The following MSLN variants were observed in gnomAD, a reference collection of about 807,000 sequenced individuals.
MSLN encodes the protein CAK1 antigen.
MSLN carries 82 observed loss-of-function variants against 72.6 expected under a neutral mutation model. The observed-to-expected ratio is 1.13, with a 90% CI of 0.94 to 1.36. MSLN has a LOEUF of 1.36. Among genes scored for constraint, MSLN ranks in the 40% most tolerant of loss-of-function variants. The pLI is 0.00. For missense variants in MSLN, 1,005 were observed against 847.9 expected, an observed-to-expected ratio of 1.19 and a Z score of -2.30; for synonymous variants, 456 against 387.3, an observed-to-expected ratio of 1.18 and a Z score of -2.08.
At chr16:765,487 C>A in intron 9 of MSLN, 40 bp from the exon 10 acceptor site, 1 of 1,560,490 alleles carries the variant, frequency 6.4e-7, no homozygotes, top group South Asian at 1.2e-5. Context: ...TCTGGGGCTG[C>A]ACGTGGGGGG....
In MSLN at chr16:766,088, C is replaced by T. The variant is rs760725450; in HGVS notation, c.925C>T (p.Arg309Cys). The T allele has an allele frequency of 1.1e-5, 18 of 1,612,002 alleles. No individual in the cohort carries two copies. The highest frequency in any genetic ancestry group is 2.2e-5 in the East Asian group (1 of 44,860). ...KTACPSGKKA[R>C]EIDESLIFYK... ...AGCCTGTCCTTCAGGCAAGAAGGCC[C>T]GCGAGATAGACGAGAGCCTCATCTT... The change falls in exon 12 of 18, where the codon CGC (arginine) becomes TGC (cysteine). Residue 309 changes from arginine (R) to cysteine (C), a missense_variant. By Grantham distance (180) the Arg-to-Cys change is radical. Coordinates refer to ENST00000545450, the MANE Select transcript of MSLN (RefSeq NM_005823.6).
At chr16:765,358 G>A (rs2041592607) in intron 9 of MSLN, 55 bp downstream of exon 9, 1 of 1,483,964 alleles carries the variant, frequency 6.7e-7, no homozygotes, top group Non-Finnish European at 9.0e-7. Flanking sequence ...GGTATCAGCA[G>A]CGTGAGGACA....
intron 15 of MSLN, among the ~76,000 whole-genome samples, 181 bp downstream of exon 15, chr16:767,193 G>A (rs555147499): frequency 1.8e-4 from 27 of 152,108 alleles, no homozygotes; most frequent in Admixed American, 5.2e-4. Flanking sequence ...ACCCCAGCTC[G>A]GGGCGCCAGC....
In MSLN at chr16:763,560, C is replaced by A. The variant is rs993623348; in HGVS notation, c.130-82C>A. ...GGAAGTAGCTGAACTCGGGGAGTAC[C>A]TGGCCCAGGGGTAGCGGGACCTGGG... On this transcript the variant is annotated intron_variant, in intron 4 of 17. Coordinates refer to ENST00000545450, the MANE Select transcript of MSLN (RefSeq NM_005823.6). 11 of 1,386,360 alleles carry A rather than the reference C, an allele frequency of 7.9e-6. No individual in the cohort carries two copies. In the African/African-American group the frequency reaches 1.1e-4, roughly 14 times the overall value. The allele number at this position is 1,386,360 out of a possible 1,614,324, so 85.9% of individuals were successfully genotyped here.
rs367955507 is a variant in MSLN, at chr16:765,122, T to C, written c.523T>C (p.Ser175Pro). 8.1e-6 allele frequency: 13 copies of C among 1,603,972 alleles called. No homozygotes were observed. Among genetic ancestry groups the C allele is most frequent in the Non-Finnish European group, 1.0e-5 (12 of 1,177,844 alleles). The change falls in exon 9 of 18, where the codon TCT (serine) becomes CCT (proline). Residue 175 changes from serine (S) to proline (P), a missense_variant. Physicochemically the swap from Ser to Pro is moderately conservative, Grantham distance 74. Coordinates refer to ENST00000545450, the MANE Select transcript of MSLN (RefSeq NM_005823.6). ...AALACWGVRG[S>P]LLSEADVRAL... ...AGCCTCTCTGCAGGGTGTGCGGGGG[T>C]CTCTGCTGAGCGAGGCTGATGTGCG...
At chr16:765,396 T>A in intron 9 of MSLN, 93 bp downstream of exon 9, 1 of 1,423,478 alleles carries the variant, frequency 7.0e-7, no homozygotes, top group Non-Finnish European at 9.3e-7. Context: ...AGGCCCAGGG[T>A]CAGTCACCCC....
intron 15 of MSLN, 130 bp downstream of exon 15, chr16:767,142 GC>G (rs1320051556): frequency 5.5e-6 from 8 of 1,443,204 alleles, no homozygotes; most frequent in Admixed American, 1.8e-5. Context: ...CCCGCCCTCT[GC>G]CCCCCGGGGT....
intron 2 of MSLN, 78 bp downstream of exon 2, chr16:761,252 C>T (rs915826174): frequency 3.3e-5 from 5 of 152,298 alleles, no homozygotes; most frequent in African/African-American, 7.2e-5. Context: ...CTGGGGCCGC[C>T]CCAGGCCGGG....
chr16:767,263 T>A, intron 15 of MSLN, 113 bp from the exon 16 acceptor site: 1 of 1,160,014 alleles, frequency 8.6e-7, no homozygotes, highest in Non-Finnish European at 1.3e-6. Flanking sequence ...GGCCCTGGAA[T>A]CCCTAAGGAA....
At chr16:762,178 G>T (rs1028638556) in intron 2 of MSLN, among the ~76,000 whole-genome samples, 1 of 152,222 alleles carries the variant, frequency 6.6e-6, no homozygotes, top group Non-Finnish European at 1.5e-5. Flanking sequence ...CTCTGTGCCC[G>T]CAGTGCCCCT....
chr16:764,929 C>A lies in MSLN; in HGVS notation c.403C>A (p.Gln135Lys). The change falls in exon 8 of 18, where the codon CAG (glutamine) becomes AAG (lysine). Residue 135 changes from glutamine (Q) to lysine (K), a missense_variant. By Grantham distance (53) the Gln-to-Lys change is moderately conservative. Transcript: ENST00000545450. ...FLNPDAFSGP[Q>K]ACTRFFSRIT... is the part of the protein sequence containing the mutation. Reference sequence around the variant, plus strand: ...CAGCCCAGATGCGTTCTCGGGGCCCCAGGCCTGCACCCGTTTCTTCTCCCG... The same window carrying A: ...CAGCCCAGATGCGTTCTCGGGGCCCAAGGCCTGCACCCGTTTCTTCTCCCG... 1 of 1,612,124 alleles carries A rather than the reference C, an allele frequency of 6.2e-7. No individual in the cohort carries two copies. Among genetic ancestry groups the A allele is most frequent in the African/African-American group, 1.3e-5 (1 of 75,050 alleles).
rs1299814893 is a variant in MSLN at position 764,972 on chromosome 16, T to C, written c.446T>C (p.Val149Ala). The C allele has an allele frequency of 6.2e-7, 1 of 1,612,442 alleles. No individual in the cohort carries two copies. The highest frequency in any genetic ancestry group is 8.5e-7 in the Non-Finnish European group (1 of 1,179,758). The change falls in exon 8 of 18, where the codon GTG becomes GCG. Residue 149 changes from valine (V) to alanine (A), a missense_variant. By Grantham distance (64) the Val-to-Ala change is moderately conservative. Transcript: ENST00000545450. ...RFFSRITKAN[V>A]DLLPRGAPER... ...TTCTCCCGCATCACGAAGGCCAATG[T>C]GGACCTGCTCCCGAGGGGGGCTCCC...
intron 2 of MSLN, among the ~76,000 whole-genome samples, chr16:762,351 G>A (rs1014709171): frequency 6.6e-6 from 1 of 152,330 alleles, no homozygotes; most frequent in Non-Finnish European, 1.5e-5. Flanking sequence ...CCAAGTGGGC[G>A]GCGGCCCCGG....
At chr16:765,876 C>T in intron 11 of MSLN, 86 bp downstream of exon 11, 1 of 1,402,970 alleles carries the variant, frequency 7.1e-7, no homozygotes, top group South Asian at 1.2e-5. Flanking sequence ...ACCTGCCCCT[C>T]CCTGGCTCTG....
chr16:765,396 T>C (rs2041593127), intron 9 of MSLN, 93 bp downstream of exon 9: 1 of 1,423,478 alleles, frequency 7.0e-7, no homozygotes, highest in Non-Finnish European at 9.3e-7. Context: ...AGGCCCAGGG[T>C]CAGTCACCCC....
chr16:767,405 C>T lies in MSLN; in HGVS notation c.1531C>T (p.Leu511Phe). 1 of 1,603,380 alleles carries T rather than the reference C, an allele frequency of 6.2e-7. No individual in the cohort carries two copies. Among genetic ancestry groups the T allele is most frequent in the Non-Finnish European group, 8.5e-7 (1 of 1,174,790 alleles). Reference protein sequence around the residue: ...GGAPTEDLKALSQQNVSMDLA... With the variant: ...GGAPTEDLKAFSQQNVSMDLA... ...GGCCCCCACGGAGGATTTGAAGGCGCTCAGTCAGCAGAATGTGAGCATGGA... is the reference window on the plus strand; with the variant it reads ...GGCCCCCACGGAGGATTTGAAGGCGTTCAGTCAGCAGAATGTGAGCATGGA... Residue 511 changes from leucine (L) to phenylalanine (F), a missense_variant, in exon 16 of 18, where the codon CTC becomes TTC. Physicochemically the swap from Leu to Phe is conservative, Grantham distance 22 (BLOSUM62 0). Transcript: ENST00000545450.
Position 766,434 on chromosome 16 carries a change from CT to C in MSLN, c.1175del (p.Leu392ArgfsTer4), listed in dbSNP as rs766389177. 6.2e-7 allele frequency: 1 copy of C among 1,612,714 alleles called. No homozygotes were observed. Among genetic ancestry groups the C allele is most frequent in the Non-Finnish European group, 8.5e-7 (1 of 1,179,930 alleles). ...EDIRKWNVTS[L>X]ETLKALLEVN... The stretch of plus-strand genomic sequence containing the variant: ...CATTCGCAAGTGGAATGTGACGTCC[CT>C]GGAGACCCTGAAGGCTTTGCTTGAA... On this transcript the variant is annotated frameshift_variant, in exon 13 of 18. Transcript: ENST00000545450. LOFTEE classifies it high-confidence loss of function.
chr16:760,855 C>G (rs949062904), intron 1 of MSLN, 34 bp downstream of exon 1: 10 of 152,452 alleles, frequency 6.6e-5, no homozygotes, highest in African/African-American at 2.2e-4. Context: ...CAGAGTTACC[C>G]TGGGCAGGGC....
chr16:764,542 G>A, intron 6 of MSLN, 105 bp from the exon 7 acceptor site: 1 of 975,782 alleles, frequency 1.0e-6, no homozygotes, highest in Admixed American at 1.7e-5. Context: ...GATTCTCGTG[G>A]CCAGGGCAGG....
Sources: gnomAD v4.1 joint callset for allele counts (sites outside exome capture counted in the v4.1 genomes callset) on GRCh38, gnomAD v4.1.1 for gene constraint, MANE v1.5 for transcripts, NCBI Gene and HGNC (gene_info 2026-07-23, HGNC 2026-07-21) for gene names.